CAMK2D: variants seen among roughly 807,000 people sequenced by gnomAD.
The protein encoded by CAMK2D is calcium/calmodulin-dependent protein kinase type II subunit delta.
In CAMK2D, 37 loss-of-function variants were observed where a neutral mutation model predicts 84.0. The ratio of observed to expected loss-of-function variants is 0.44; its 90% CI spans 0.34 to 0.58. The LOEUF (loss-of-function observed/expected upper bound fraction) is 0.58, where lower values mean the gene tolerates loss of function less well. CAMK2D is among the 20% of genes least tolerant of loss of function. The pLI is 0.02. For synonymous variants in CAMK2D, 202 were observed against 212.5 expected, an observed-to-expected ratio of 0.95 and a Z score of 0.43; for missense variants, 448 against 652.5, an observed-to-expected ratio of 0.69 and a Z score of 3.41.
intron 2 of CAMK2D, among the ~76,000 whole-genome samples, chr4:113,723,764 T>C (rs1166114210): frequency 6.6e-6 from 1 of 152,108 alleles, no homozygotes; most frequent in African/African-American, 2.4e-5. Context: ...ATGACATTAC[T>C]CACCATAAAA....
At chr4:113,694,281 C>T (rs771678981) in intron 2 of CAMK2D, among the ~76,000 whole-genome samples, 2 of 152,160 alleles carry the variant, frequency 1.3e-5, no homozygotes, top group African/African-American at 2.4e-5. Context: ...TTCTTAGCCA[C>T]TGATGATTTA....
intron 2 of CAMK2D, among the ~76,000 whole-genome samples, chr4:113,703,546 C>G (rs2099429435): frequency 6.6e-6 from 1 of 152,162 alleles, no homozygotes; most frequent in East Asian, 1.9e-4. Context: ...TGGTCTTGAA[C>G]TCCTGGGCTC....
intron 4 of CAMK2D, among the ~76,000 whole-genome samples, chr4:113,583,029 C>T (rs185966452): frequency 2.9e-4 from 44 of 152,330 alleles, no homozygotes; most frequent in Non-Finnish European, 5.3e-4. Flanking sequence ...CAAATCCTGC[C>T]TTTAAAAGGT....
intron 6 of CAMK2D, among the ~76,000 whole-genome samples, chr4:113,541,386 T>C (rs1387313979): frequency 6.6e-6 from 1 of 152,230 alleles, no homozygotes; most frequent in African/African-American, 2.4e-5. Context: ...CTCAAAAATA[T>C]TTACTACCCA....
chr4:113,698,844 T>A (rs563790133), intron 2 of CAMK2D, among the ~76,000 whole-genome samples: 172 of 152,222 alleles, frequency 1.1e-3, no homozygotes, highest in African/African-American at 3.7e-3. Context: ...TCATAAAACA[T>A]GTCTGAAAAG....
At chr4:113,493,928 A>T (rs1323616344) in intron 16 of CAMK2D, among the ~76,000 whole-genome samples, 1 of 152,076 alleles carries the variant, frequency 6.6e-6, no homozygotes, top group Non-Finnish European at 1.5e-5. Context: ...CTTCCAGTTG[A>T]TCGCATCGGC....
At chr4:113,640,311 C>T (rs1467162671) in intron 3 of CAMK2D, among the ~76,000 whole-genome samples, 3 of 151,810 alleles carry the variant, frequency 2.0e-5, no homozygotes, top group Admixed American at 2.0e-4. Context: ...AATGAAATGC[C>T]CTGCGTAGAT....
At chr4:113,679,566 T>C (rs147233295) in intron 2 of CAMK2D, 289 of 443,632 alleles carry the variant, frequency 6.5e-4, no homozygotes, top group African/African-American at 5.5e-3. Context: ...CCCTTAACCA[T>C]GGGTAGAGAA....
intron 3 of CAMK2D, among the ~76,000 whole-genome samples, chr4:113,647,091 G>A (rs2099155058): frequency 6.6e-6 from 1 of 152,152 alleles, no homozygotes; most frequent in South Asian, 2.1e-4. Context: ...ATTAATTGGG[G>A]AAAAGACCCG....
intron 4 of CAMK2D, among the ~76,000 whole-genome samples, chr4:113,594,278 C>T (rs1186029241): frequency 1.3e-5 from 2 of 152,176 alleles, no homozygotes; most frequent in East Asian, 1.9e-4. Flanking sequence ...GCAGGCCCCA[C>T]CTCCAACACT....
At chr4:113,634,486 T>C (rs2099102329) in intron 3 of CAMK2D, among the ~76,000 whole-genome samples, 1 of 152,112 alleles carries the variant, frequency 6.6e-6, no homozygotes, top group African/African-American at 2.4e-5. Context: ...CAGAATTTAA[T>C]GAGGAGAGGG....
intron 4 of CAMK2D, among the ~76,000 whole-genome samples, chr4:113,588,218 T>C (rs1487959435): frequency 1.3e-5 from 2 of 152,312 alleles, no homozygotes; most frequent in South Asian, 4.1e-4. Context: ...TAAATAATTA[T>C]AGCCATTAGT....
intron 4 of CAMK2D, among the ~76,000 whole-genome samples, chr4:113,596,992 G>A (rs2098930169): frequency 6.6e-6 from 1 of 152,016 alleles, no homozygotes; most frequent in African/African-American, 2.4e-5. Context: ...CTAATTTGTT[G>A]TATTTTTAGT....
At chr4:113,657,610 C>T (rs1375569053) in intron 3 of CAMK2D, among the ~76,000 whole-genome samples, 1 of 151,850 alleles carries the variant, frequency 6.6e-6, no homozygotes, top group Non-Finnish European at 1.5e-5. Context: ...TTGTATTTTC[C>T]AAATTTTCCA....
chr4:113,490,709 T>C (rs1204042526), intron 16 of CAMK2D, among the ~76,000 whole-genome samples: 1 of 150,468 alleles, frequency 6.6e-6, no homozygotes, highest in Non-Finnish European at 1.5e-5. Context: ...GAGGATGGCA[T>C]TGAATCTGTA....
intron 4 of CAMK2D, among the ~76,000 whole-genome samples, chr4:113,585,912 T>C (rs1165764876): frequency 1.3e-5 from 2 of 152,250 alleles, no homozygotes; most frequent in African/African-American, 4.8e-5. Context: ...ATATGCCTTG[T>C]TGCTATTCAC....
chr4:113,658,656 G>A (rs2099213441), intron 3 of CAMK2D, among the ~76,000 whole-genome samples: 1 of 152,128 alleles, frequency 6.6e-6, no homozygotes, highest in Non-Finnish European at 1.5e-5. Context: ...CTCCATGAGG[G>A]CAGGGATATT....
chr4:113,694,642 C>T (rs2099397505), intron 2 of CAMK2D, among the ~76,000 whole-genome samples: 2 of 152,066 alleles, frequency 1.3e-5, no homozygotes, highest in Non-Finnish European at 2.9e-5. Context: ...CTTTGCTGTG[C>T]ACTCTATCTT....
chr4:113,469,102 T>C (rs28555638), intron 16 of CAMK2D, among the ~76,000 whole-genome samples: 20,589 of 152,210 alleles, frequency 0.14, 1,674 homozygotes, highest in African/African-American at 0.22. Flanking sequence ...TTTTTGGCTC[T>C]TGTTCTAAGA....
Sources: allele counts gnomAD v4.1 joint callset (sites outside exome capture counted in the v4.1 genomes callset), GRCh38; gene constraint gnomAD v4.1.1; transcripts MANE v1.5; gene names NCBI Gene and HGNC (gene_info 2026-07-23, HGNC 2026-07-21).